CORIN: variants seen among roughly 807,000 people sequenced by gnomAD.
CORIN encodes the protein atrial natriuretic peptide-converting enzyme.
In CORIN, 117 loss-of-function variants were observed where a neutral mutation model predicts 125.3. The ratio of observed to expected loss-of-function variants is 0.93; its 90% CI spans 0.80 to 1.09. CORIN has a LOEUF of 1.09. CORIN is among the 50% of genes least tolerant of loss of function. The probability of loss-of-function intolerance (pLI) is 0.00; values close to 1 mark genes in which losing one functional copy is unlikely to be tolerated. For missense variants in CORIN, 1,253 were observed against 1,306.7 expected (o/e 0.96, Z 0.63); for synonymous variants, 450 against 466.4 (o/e 0.96, Z 0.45).
chr4:47,660,569 GA>G (rs1345336651), intron 12 of CORIN, among the ~76,000 whole-genome samples: 1 of 152,158 alleles, frequency 6.6e-6, no homozygotes, highest in Non-Finnish European at 1.5e-5. Context: ...ACAGGTATAT[GA>G]AAAGGTGCTC....
At chr4:47,809,780 T>A (rs1731981376) in intron 1 of CORIN, among the ~76,000 whole-genome samples, 1 of 152,186 alleles carries the variant, frequency 6.6e-6, no homozygotes, top group Non-Finnish European at 1.5e-5. Context: ...CAACACTTTC[T>A]TCTTGAATAA....
chr4:47,706,420 G>A, intron 5 of CORIN: 1 of 1,609,610 alleles, frequency 6.2e-7, no homozygotes, highest in Non-Finnish European at 8.5e-7. Context: ...GAAGCAGTCT[G>A]ATGTCACGCG....
Position 47,786,610 on chromosome 4 carries a change from G to A in CORIN, c.409+115C>T, listed in dbSNP as rs893007966. 5 of 746,668 alleles carry A rather than the reference G, an allele frequency of 6.7e-6. No individual in the cohort carries two copies. The African/African-American group carries it at 8.8e-5, about 13-fold the overall frequency. 46.3% of individuals were successfully genotyped at this position (746,668 alleles called of 1,614,324 possible). ...GCTACGCTTACCAGGAAACTGAGTG[G>A]AGATTTTCCTGTGTGACCGGCAAGT... On this transcript the variant is annotated intron_variant, in intron 3 of 21. Transcript: ENST00000273857.
chr4:47,757,314 C>A (rs1211772283), intron 4 of CORIN, among the ~76,000 whole-genome samples: 1 of 152,034 alleles, frequency 6.6e-6, no homozygotes, highest in East Asian at 1.9e-4. Flanking sequence ...AAATGCAGGG[C>A]CAGGAGTGGT....
In CORIN at chr4:47,680,186, C is replaced by T. The variant is rs867218484; in HGVS notation, c.1087G>A (p.Asp363Asn). The T allele has an allele frequency of 5.6e-6, 9 of 1,613,952 alleles. No individual in the cohort carries two copies. Among genetic ancestry groups the T allele is most frequent in the Non-Finnish European group, 7.6e-6 (9 of 1,179,826 alleles). Residue 363 changes from aspartate to asparagine, a missense_variant, in exon 8 of 22, where the codon GAT becomes AAT. Coordinates refer to ENST00000273857, the MANE Select transcript of CORIN (RefSeq NM_006587.4). ...TTATCCACACAGTCGTGGTCACCAT[C>T]ACACACCCACTCCATGGCGATGCAG... ...GRCIAMEWVC[D>N]GDHDCVDKSD...
intron 16 of CORIN, among the ~76,000 whole-genome samples, chr4:47,637,532 C>T (rs1239253078): frequency 6.6e-6 from 1 of 152,196 alleles, no homozygotes; most frequent in Non-Finnish European, 1.5e-5. Flanking sequence ...ACTTGGTGCC[C>T]TGTGTCCCAG....
At chr4:47,713,142 A>T (rs1159640320) in intron 5 of CORIN, among the ~76,000 whole-genome samples, 1 of 152,200 alleles carries the variant, frequency 6.6e-6, no homozygotes, top group East Asian at 1.9e-4. Context: ...AAAAAGAGAT[A>T]ATGGAAAAAT....
chr4:47,623,857 A>C, intron 18 of CORIN, 42 bp downstream of exon 18: 1 of 1,607,310 alleles, frequency 6.2e-7, no homozygotes, highest in Non-Finnish European at 8.5e-7. Flanking sequence ...AATCCAGTTC[A>C]ATTAAGTTCA....
At chr4:47,790,120 G>T in intron 2 of CORIN, 2 of 561,510 alleles carry the variant, frequency 3.6e-6, no homozygotes, top group South Asian at 7.8e-5. Context: ...TATGTTTATT[G>T]TGCTATGGTT....
intron 6 of CORIN, among the ~76,000 whole-genome samples, chr4:47,686,565 C>G (rs1725526090): frequency 6.6e-6 from 1 of 152,150 alleles, no homozygotes; most frequent in Non-Finnish European, 1.5e-5. Flanking sequence ...GGTTCTTCTG[C>G]CCACAGGGTA....
At chr4:47,820,939 T>A (rs955128110) in intron 1 of CORIN, among the ~76,000 whole-genome samples, 8 of 152,134 alleles carry the variant, frequency 5.3e-5, no homozygotes, top group African/African-American at 1.9e-4. Flanking sequence ...TATGGCAATG[T>A]GAAAAATGAA....
intron 3 of CORIN, among the ~76,000 whole-genome samples, chr4:47,770,098 C>T (rs1211220718): frequency 6.6e-6 from 1 of 152,012 alleles, no homozygotes; most frequent in East Asian, 1.9e-4. Context: ...AAAATATTTG[C>T]AAACCATACA....
At chr4:47,749,576 G>A (rs1728812194) in intron 4 of CORIN, among the ~76,000 whole-genome samples, 2 of 152,058 alleles carry the variant, frequency 1.3e-5, no homozygotes, top group African/African-American at 2.4e-5. Context: ...TAAAGCAGAG[G>A]ACCTGGCTGG....
At chr4:47,795,969 G>A (rs1277645429) in intron 2 of CORIN, among the ~76,000 whole-genome samples, 1 of 152,072 alleles carries the variant, frequency 6.6e-6, no homozygotes, top group Non-Finnish European at 1.5e-5. Context: ...GATAACAGAT[G>A]TTGGTGATAA....
At chr4:47,632,770 T>C (rs62299167) in intron 16 of CORIN, among the ~76,000 whole-genome samples, 1 of 111,408 alleles carries the variant, frequency 9.0e-6, no homozygotes, top group Non-Finnish European at 1.9e-5. Flanking sequence ...TAGATAGAGA[T>C]AGATAGTTAG....
chr4:47,780,663 C>T (rs919031306), intron 3 of CORIN, among the ~76,000 whole-genome samples: 1 of 152,024 alleles, frequency 6.6e-6, no homozygotes, highest in Admixed American at 6.6e-5. Flanking sequence ...CAATCTGTCT[C>T]CCCACCTAGA....
intron 8 of CORIN, 86 bp from the exon 9 acceptor site, chr4:47,678,140 A>G: frequency 2.2e-6 from 2 of 895,450 alleles, no homozygotes; most frequent in Non-Finnish European, 3.8e-6. Context: ...CCATTTATCA[A>G]GCATCGCTAA....
chr4:47,679,596 C>T (rs1725172502), intron 8 of CORIN: 1 of 152,436 alleles, frequency 6.6e-6, no homozygotes, highest in Non-Finnish European at 1.5e-5. Context: ...AGGTCATCTA[C>T]CCATCTCTGC....
intron 21 of CORIN, 38 bp from the exon 22 acceptor site, chr4:47,595,941 T>G: frequency 6.5e-7 from 1 of 1,544,956 alleles, no homozygotes; most frequent in Non-Finnish European, 8.8e-7. Context: ...AACTGGCATT[T>G]CAGGGCAGTA....
Sources: allele counts gnomAD v4.1 joint callset (sites outside exome capture counted in the v4.1 genomes callset), GRCh38; gene constraint gnomAD v4.1.1; transcripts MANE v1.5; gene names NCBI Gene and HGNC (gene_info 2026-07-23, HGNC 2026-07-21).